The following MEIS2 variants were observed in gnomAD, a reference collection of about 807,000 sequenced individuals.
MEIS2 encodes homeobox protein Meis2.
MEIS2 carries 9 observed loss-of-function variants against 58.6 expected under a neutral mutation model. The observed-to-expected ratio is 0.15, with a 90% CI of 0.09 to 0.27. The LOEUF (loss-of-function observed/expected upper bound fraction) is 0.27. MEIS2 is among the 10% of genes least tolerant of loss of function. MEIS2 has a pLI of 1.00. For missense variants in MEIS2, 427 were observed against 635.0 expected (o/e 0.67, Z 3.52); for synonymous variants, 221 against 228.4 (o/e 0.97, Z 0.29).
intron 9 of MEIS2, among the ~76,000 whole-genome samples, chr15:36,938,114 C>G (rs1030701758): frequency 2.6e-5 from 4 of 152,042 alleles, no homozygotes; most frequent in Non-Finnish European, 5.9e-5. Flanking sequence ...ATGGTATGTC[C>G]TTTTCAGGGA....
chr15:37,098,043 G>A lies in MEIS2; in HGVS notation c.169C>T (p.His57Tyr). The A allele has an allele frequency of 6.2e-7, 1 of 1,613,416 alleles. No individual in the cohort carries two copies. The highest frequency in any genetic ancestry group is 8.5e-7 in the Non-Finnish European group (1 of 1,179,602). The stretch of plus-strand genomic sequence containing the variant: ...ATACTGGCCGGCATGACATTGGGGT[G>A]CGGGGCGTGCGCGCCGTAGTGCTGT... ...ATQHYGAHAP[H>Y]PNVMPASMGS... The change falls in exon 2 of 12, where the codon CAC (histidine) becomes TAC (tyrosine). Residue 57 changes from histidine (H) to tyrosine (Y), a missense_variant. Physicochemically the swap from His to Tyr is moderately conservative, Grantham distance 83 (BLOSUM62 2). Transcript: ENST00000561208.
At chr15:36,941,716 A>G (rs1395626738) in intron 9 of MEIS2, among the ~76,000 whole-genome samples, 1 of 152,208 alleles carries the variant, frequency 6.6e-6, no homozygotes, top group Non-Finnish European at 1.5e-5. Context: ...AGATCAATCT[A>G]TCAATCACGG....
intron 5 of MEIS2, 52 bp from the exon 6 acceptor site, chr15:37,093,782 T>C: frequency 1.9e-6 from 3 of 1,600,494 alleles, no homozygotes; most frequent in Non-Finnish European, 2.6e-6. Context: ...GTTGTTGTTG[T>C]TTTGTTTCAT....
intron 9 of MEIS2, among the ~76,000 whole-genome samples, chr15:36,907,450 G>A (rs1030774089): frequency 1.3e-5 from 2 of 152,300 alleles, no homozygotes; most frequent in Admixed American, 6.5e-5. Context: ...GAATGTCCCC[G>A]TGGGCCTTTC....
rs77652060 is a variant in MEIS2, at chr15:37,083,737, C to T, written c.754+34G>A. The T allele has an allele frequency of 0.12, 194,489 of 1,569,292 alleles. 12,965 individuals are homozygous for T. Among genetic ancestry groups the T allele is most frequent in the Non-Finnish European group, 0.14 (158,270 of 1,142,862 alleles). Reference sequence around the variant, plus strand: ...AATACTGAAGTTATTTTAGTCATGCCTACTTTGCACGAGGAAAATGTTTGA... The same window carrying T: ...AATACTGAAGTTATTTTAGTCATGCTTACTTTGCACGAGGAAAATGTTTGA... On this transcript the variant is annotated intron_variant, in intron 7 of 11. Coordinates refer to ENST00000561208, the MANE Select transcript of MEIS2 (RefSeq NM_170675.5).
At chr15:37,030,040 G>T (rs2141708308) in intron 8 of MEIS2, among the ~76,000 whole-genome samples, 1 of 152,264 alleles carries the variant, frequency 6.6e-6, no homozygotes, top group African/African-American at 2.4e-5. Context: ...ACCATAACAT[G>T]CTGTCTTGCA....
At chr15:36,957,575 C>A (rs1312290023) in intron 8 of MEIS2, among the ~76,000 whole-genome samples, 2 of 152,200 alleles carry the variant, frequency 1.3e-5, no homozygotes, top group Non-Finnish European at 2.9e-5. Flanking sequence ...CCACAAACTT[C>A]CACAGTGCTT....
At chr15:36,931,715 G>A (rs1268065059) in intron 9 of MEIS2, among the ~76,000 whole-genome samples, 9 of 152,180 alleles carry the variant, frequency 5.9e-5, no homozygotes, top group Admixed American at 5.9e-4. Flanking sequence ...ATCCCAAAAT[G>A]AGTGGGATCA....
chr15:37,004,204 G>T (rs2060836576), intron 8 of MEIS2, among the ~76,000 whole-genome samples: 1 of 152,152 alleles, frequency 6.6e-6, no homozygotes, highest in Admixed American at 6.5e-5. Context: ...CTTTTAAACA[G>T]GTTATGAAGT....
chr15:37,093,170 T>G (rs1300009338), intron 6 of MEIS2, among the ~76,000 whole-genome samples: 1 of 152,232 alleles, frequency 6.6e-6, no homozygotes, highest in African/African-American at 2.4e-5. Context: ...CTCAATTCTC[T>G]TTCATTCAGT....
At chr15:37,013,826 C>T (rs2061251573) in intron 8 of MEIS2, among the ~76,000 whole-genome samples, 1 of 152,116 alleles carries the variant, frequency 6.6e-6, no homozygotes. Flanking sequence ...GGTTTCTTAA[C>T]TGGACTAACC....
intron 8 of MEIS2, among the ~76,000 whole-genome samples, chr15:36,962,199 C>T (rs1045896189): frequency 6.6e-6 from 1 of 152,184 alleles, no homozygotes; most frequent in Non-Finnish European, 1.5e-5. Context: ...ATTTCTGATG[C>T]CTGGTATGTT....
intron 8 of MEIS2, among the ~76,000 whole-genome samples, chr15:37,024,240 A>C (rs1291887582): frequency 6.8e-6 from 1 of 147,670 alleles, no homozygotes; most frequent in Non-Finnish European, 1.5e-5. Context: ...CTACTTTGAA[A>C]CTCCTTTCCT....
chr15:37,015,597 G>T (rs2061325116), intron 8 of MEIS2, among the ~76,000 whole-genome samples: 1 of 151,934 alleles, frequency 6.6e-6, no homozygotes, highest in Non-Finnish European at 1.5e-5. Flanking sequence ...GGGGAAGTGT[G>T]GGGTGGGTGG....
chr15:37,030,250 C>T lies in MEIS2; in HGVS notation c.900+6564G>A, dbSNP rs181831739. On this transcript the variant is annotated intron_variant, in intron 8 of 11. Transcript: ENST00000561208. Reference sequence around the variant, plus strand: ...CTAGGATGCTCTGGCTTTCATGACACCAGGACTCTCTAATGCTATCACCTA... The same window carrying T: ...CTAGGATGCTCTGGCTTTCATGACATCAGGACTCTCTAATGCTATCACCTA... Among the ~76,000 whole-genome samples, 19 of 152,294 alleles carry T rather than the reference C, an allele frequency of 1.2e-4. No homozygotes were observed. The East Asian group carries it at 3.7e-3, about 29-fold the overall frequency.
chr15:37,018,379 G>A (rs34407105), intron 8 of MEIS2, among the ~76,000 whole-genome samples: 2,846 of 152,246 alleles, frequency 0.019, 45 homozygotes, highest in Non-Finnish European at 0.029. Context: ...GAGAAACGTG[G>A]CAATCTAGCC....
chr15:37,069,206 A>T (rs1260898501), intron 7 of MEIS2, among the ~76,000 whole-genome samples: 1 of 152,176 alleles, frequency 6.6e-6, no homozygotes, highest in Non-Finnish European at 1.5e-5. Flanking sequence ...TATGTAGTGC[A>T]TGTGTGTAGA....
At chr15:37,014,617 C>G (rs570071024) in intron 8 of MEIS2, among the ~76,000 whole-genome samples, 1 of 152,198 alleles carries the variant, frequency 6.6e-6, no homozygotes, top group Non-Finnish European at 1.5e-5. Context: ...CAAGAGATTT[C>G]AATGGCTGAT....
chr15:36,975,724 G>C (rs2059724887), intron 8 of MEIS2, among the ~76,000 whole-genome samples: 1 of 152,062 alleles, frequency 6.6e-6, no homozygotes, highest in Admixed American at 6.6e-5. Context: ...CCACTCCCAG[G>C]GTGAGTCCAA....
Sources: gnomAD v4.1 joint callset for allele counts (sites outside exome capture counted in the v4.1 genomes callset) on GRCh38, gnomAD v4.1.1 for gene constraint, MANE v1.5 for transcripts, NCBI Gene and HGNC (gene_info 2026-07-23, HGNC 2026-07-21) for gene names.